Variants in SLC24A3 observed in about 807,000 individuals in gnomAD.
The protein encoded by SLC24A3 is sodium/potassium/calcium exchanger 3.
In SLC24A3, 28 loss-of-function variants were observed where a neutral mutation model predicts 75.8. The observed-to-expected ratio is 0.37, with a 90% CI of 0.27 to 0.51. The LOEUF (loss-of-function observed/expected upper bound fraction) is 0.51, where lower values mean the gene tolerates loss of function less well. SLC24A3 is among the 20% of genes least tolerant of loss of function. The probability of loss-of-function intolerance (pLI) is 0.94; values close to 1 mark genes in which losing one functional copy is unlikely to be tolerated. For missense variants in SLC24A3, 663 were observed against 847.8 expected, an observed-to-expected ratio of 0.78 and a Z score of 2.71; for synonymous variants, 372 against 334.1, an observed-to-expected ratio of 1.11 and a Z score of -1.24.
intron 3 of SLC24A3, among the ~76,000 whole-genome samples, chr20:19,538,793 A>G (rs1237622250): frequency 2.0e-5 from 3 of 152,206 alleles, no homozygotes; most frequent in Admixed American, 6.5e-5. Flanking sequence ...TCATATATAC[A>G]TGCAATGAAG....
intron 2 of SLC24A3, among the ~76,000 whole-genome samples, chr20:19,372,957 G>C (rs1986016726): frequency 6.6e-6 from 1 of 152,148 alleles, no homozygotes; most frequent in Admixed American, 6.5e-5. Flanking sequence ...GGTGGCCCCA[G>C]GGCTGGATGG....
intron 2 of SLC24A3, among the ~76,000 whole-genome samples, chr20:19,351,737 C>T (rs1376042160): frequency 6.6e-6 from 1 of 152,104 alleles, no homozygotes; most frequent in African/African-American, 2.4e-5. Context: ...CAGTTTCCAC[C>T]AGGTGGTTAG....
chr20:19,639,257 A>G (rs1412462587), intron 6 of SLC24A3, among the ~76,000 whole-genome samples: 4 of 152,114 alleles, frequency 2.6e-5, no homozygotes, highest in African/African-American at 9.7e-5. Context: ...TGGTGCATTC[A>G]CAAACCCTGA....
In SLC24A3 at chr20:19,722,114, T is replaced by G. The variant is rs1039035187; in HGVS notation, c.*974T>G. 1 of 152,728 alleles carries G rather than the reference T, an allele frequency of 6.5e-6. No individual in the cohort carries two copies. The highest frequency in any genetic ancestry group is 2.1e-4 in the South Asian group (1 of 4,836). 9.5% of individuals were successfully genotyped at this position (152,728 alleles called of 1,614,324 possible). On this transcript the variant is annotated 3_prime_UTR_variant, in exon 17 of 17. Transcript: ENST00000328041. ...AGTCCCTGAGATGTGCTCTTGTTGT[T>G]TGGCATTTGGGGTGACAGGGAGTGA... is the stretch of plus-strand genomic sequence containing the variant.
intron 2 of SLC24A3, among the ~76,000 whole-genome samples, chr20:19,440,090 G>GGT: frequency 6.6e-6 from 1 of 152,342 alleles, no homozygotes; most frequent in Non-Finnish European, 1.5e-5. Flanking sequence ...ACACAGTGAT[G>GGT]TGAGAATCCT....
At chr20:19,624,495 G>A (rs113418859) in intron 6 of SLC24A3, among the ~76,000 whole-genome samples, 1,533 of 152,228 alleles carry the variant, frequency 0.01, 8 homozygotes, top group Non-Finnish European at 0.015. Context: ...TGGGGCCCAG[G>A]ACAAAATAGC....
At chr20:19,486,913 A>G (rs1240293349) in intron 2 of SLC24A3, among the ~76,000 whole-genome samples, 2 of 152,096 alleles carry the variant, frequency 1.3e-5, no homozygotes, top group Non-Finnish European at 2.9e-5. Context: ...CTTGGACACA[A>G]CTTTGGTCAA....
chr20:19,530,471 G>A (rs3790242), intron 3 of SLC24A3, among the ~76,000 whole-genome samples: 22,130 of 152,160 alleles, frequency 0.15, 1,744 homozygotes, highest in Middle Eastern at 0.2. Flanking sequence ...TTCCATGACA[G>A]CTCAATGGTG....
intron 16 of SLC24A3, among the ~76,000 whole-genome samples, chr20:19,719,406 G>C (rs1385421278): frequency 6.6e-6 from 1 of 152,120 alleles, no homozygotes; most frequent in Non-Finnish European, 1.5e-5. Context: ...AGAGGAGAGG[G>C]AGTTGCTGGA....
chr20:19,253,955 G>A (rs912162592), intron 1 of SLC24A3, among the ~76,000 whole-genome samples: 2 of 152,198 alleles, frequency 1.3e-5, no homozygotes, highest in African/African-American at 4.8e-5. Flanking sequence ...AGTGGAGGCT[G>A]TGGTGAGCAC....
chr20:19,720,609 A>AG lies in SLC24A3; in HGVS notation c.1786-378dup, dbSNP rs572228427. 1.3e-3 allele frequency among the ~76,000 whole-genome samples: 194 copies of AG among 152,168 alleles called. 1 individual carries two copies. The highest frequency in any genetic ancestry group is 4.4e-3 in the African/African-American group (181 of 41,522). On this transcript the variant is annotated intron_variant, in intron 16 of 16. Coordinates refer to ENST00000328041, the MANE Select transcript of SLC24A3 (RefSeq NM_020689.4). The stretch of plus-strand genomic sequence containing the variant: ...TGCAGCCGCCACCGCCTGAGGACTG[A>AG]GGGGTCAGTGTCCCCAGGGGAGTGG...
chr20:19,438,716 T>C (rs1268019711), intron 2 of SLC24A3, among the ~76,000 whole-genome samples: 3 of 145,246 alleles, frequency 2.1e-5, no homozygotes, highest in Non-Finnish European at 3.0e-5. Flanking sequence ...TGGACAGCAA[T>C]CTGCTCATTG....
At chr20:19,483,936 A>G (rs1477426269) in intron 2 of SLC24A3, among the ~76,000 whole-genome samples, 1 of 152,228 alleles carries the variant, frequency 6.6e-6, no homozygotes, top group East Asian at 1.9e-4. Flanking sequence ...TGGAAATAAA[A>G]AAATCCAAAT....
Position 19,262,262 on chromosome 20 carries a change from G to A in SLC24A3, c.143-18697G>A, listed in dbSNP as rs906859118. Among the ~76,000 whole-genome samples the A allele has an allele frequency of 5.9e-5, 9 of 151,490 alleles. No homozygotes were observed. In the East Asian group the frequency reaches 9.7e-4, roughly 16 times the overall value. On this transcript the variant is annotated intron_variant, in intron 1 of 16. Coordinates refer to ENST00000328041, the MANE Select transcript of SLC24A3 (RefSeq NM_020689.4). Reference sequence around the variant, plus strand: ...ACTAAAAAACACAAAAAAATTAGCCGGGCGTGGTGGCGGGCGCCTGTAGTC... The same window carrying A: ...ACTAAAAAACACAAAAAAATTAGCCAGGCGTGGTGGCGGGCGCCTGTAGTC...
In SLC24A3 at chr20:19,490,308, ACT is replaced by A. The variant is rs1001269155; in HGVS notation, c.272-25174_272-25173del. Among the ~76,000 whole-genome samples the A allele has an allele frequency of 2.0e-5, 3 of 151,952 alleles. No individual in the cohort carries two copies. In the South Asian group the frequency reaches 6.2e-4, roughly 31 times the overall value. Reference sequence around the variant, plus strand: ...CCTGGTTTATTTTCCCAAAACAGAAACTCTCTCAGGCTCGTGAGAAATCTGGC... The same window carrying A: ...CCTGGTTTATTTTCCCAAAACAGAAACTCTCAGGCTCGTGAGAAATCTGGC... On this transcript the variant is annotated intron_variant, in intron 2 of 16. Transcript: ENST00000328041.
chr20:19,436,939 C>T (rs1262382648), intron 2 of SLC24A3, among the ~76,000 whole-genome samples: 1 of 152,152 alleles, frequency 6.6e-6, no homozygotes, highest in African/African-American at 2.4e-5. Flanking sequence ...GATGAGAAAG[C>T]TAGAAGGGCA....
chr20:19,676,235 T>G (rs139070973), intron 9 of SLC24A3, among the ~76,000 whole-genome samples: 8 of 152,352 alleles, frequency 5.3e-5, no homozygotes, highest in African/African-American at 1.7e-4. Context: ...CATGAGTCGC[T>G]GGCAGGACAC....
At chr20:19,239,442 G>A (rs576993461) in intron 1 of SLC24A3, among the ~76,000 whole-genome samples, 1 of 152,336 alleles carries the variant, frequency 6.6e-6, no homozygotes, top group East Asian at 1.9e-4. Flanking sequence ...AGGGCTCGCT[G>A]CTCACCTGAG....
chr20:19,448,522 G>A (rs770108519), intron 2 of SLC24A3, among the ~76,000 whole-genome samples: 5 of 152,078 alleles, frequency 3.3e-5, no homozygotes, highest in African/African-American at 7.2e-5. Flanking sequence ...GAATCACAGC[G>A]TCCAACAGTT....
Sources: allele counts gnomAD v4.1 joint callset (sites outside exome capture counted in the v4.1 genomes callset), GRCh38; gene constraint gnomAD v4.1.1; transcripts MANE v1.5; gene names NCBI Gene and HGNC (gene_info 2026-07-23, HGNC 2026-07-21).